KPNA5: variants seen among roughly 807,000 people sequenced by gnomAD.
The protein encoded by KPNA5 is importin subunit alpha-6.
KPNA5 carries 46 observed loss-of-function variants against 71.3 expected under a neutral mutation model. That is an observed-to-expected ratio of 0.65 (90% CI 0.51 to 0.83). The LOEUF is 0.83. Ranked by LOEUF, KPNA5 falls within the 40% of genes least tolerant of loss-of-function variation. The pLI, the probability that KPNA5 is intolerant of heterozygous loss-of-function variation, is 0.00. For missense variants in KPNA5, 547 were observed against 628.3 expected, an observed-to-expected ratio of 0.87 and a Z score of 1.38; for synonymous variants, 207 against 201.4, an observed-to-expected ratio of 1.03 and a Z score of -0.24.
At chr6:116,684,318 T>C (rs1249159504) in intron 1 of KPNA5, among the ~76,000 whole-genome samples, 1 of 152,184 alleles carries the variant, frequency 6.6e-6, no homozygotes, top group African/African-American at 2.4e-5. Flanking sequence ...ATGCATTTCT[T>C]TTCAATCATT....
chr6:116,696,946 GT>G (rs1422678069), intron 4 of KPNA5, among the ~76,000 whole-genome samples: 5 of 151,880 alleles, frequency 3.3e-5, no homozygotes, highest in Non-Finnish European at 5.9e-5. Context: ...ATGTGTGTGT[GT>G]GGGGGGGTAT....
At chr6:116,712,606 G>T (rs963956297) in intron 7 of KPNA5, among the ~76,000 whole-genome samples, 40 of 152,066 alleles carry the variant, frequency 2.6e-4, no homozygotes, top group African/African-American at 8.7e-4. Context: ...ACTGATAAAT[G>T]GGGACTTACT....
chr6:116,684,128 G>A (rs1416487455), intron 1 of KPNA5, among the ~76,000 whole-genome samples: 1 of 151,620 alleles, frequency 6.6e-6, no homozygotes, highest in Admixed American at 6.6e-5. Flanking sequence ...GGCCAGGCCG[G>A]TCTTGAACTC....
rs555996852 is a variant in KPNA5 at position 116,734,516 on chromosome 6, G to C, written c.*2193G>C. 2.6e-5 allele frequency: 4 copies of C among 151,672 alleles called. No individual in the cohort carries two copies. The East Asian group carries it at 5.8e-4, about 22-fold the overall frequency. 9.4% of individuals were successfully genotyped at this position (151,672 alleles called of 1,614,324 possible). A position where few individuals can be genotyped will look rare whatever the true frequency, so the allele number is the denominator to read the frequency against. ...TTATTTCCTTAAATATATTACTTGGGTAATTAATTTTAGATTTGATTGCAA... is the reference window on the plus strand; with the variant it reads ...TTATTTCCTTAAATATATTACTTGGCTAATTAATTTTAGATTTGATTGCAA... On this transcript the variant is annotated 3_prime_UTR_variant, in exon 14 of 14. Coordinates refer to ENST00000368564, the MANE Select transcript of KPNA5 (RefSeq NM_001366306.2).
rs111613327 is a variant in KPNA5 at position 116,698,652 on chromosome 6, A to G, written c.341-52A>G. 4.4e-4 allele frequency: 465 copies of G among 1,062,652 alleles called. 3 individuals are homozygous for G. The African/African-American group carries it at 5.9e-3, about 13-fold the overall frequency. The allele number at this position is 1,062,652 out of a possible 1,614,324, so 65.8% of individuals were successfully genotyped here. On this transcript the variant is annotated intron_variant, in intron 4 of 13. Coordinates refer to ENST00000368564, the MANE Select transcript of KPNA5 (RefSeq NM_001366306.2). ...CCCTGTTAATGGACACAGGGACTAG[A>G]TTGTTTTCTTTTTGTGTCTTTGTAA... is the stretch of plus-strand genomic sequence containing the variant.
intron 9 of KPNA5, among the ~76,000 whole-genome samples, chr6:116,722,807 G>A (rs546071070): frequency 1.3e-5 from 2 of 152,302 alleles, no homozygotes; most frequent in East Asian, 1.9e-4. Flanking sequence ...AGTTAAAAAC[G>A]TTGAAGAAAA....
Position 116,687,910 on chromosome 6 carries a change from A to G in KPNA5, c.5-1410A>G, listed in dbSNP as rs142313199. Among the ~76,000 whole-genome samples, 8 of 152,206 alleles carry G rather than the reference A, an allele frequency of 5.3e-5. No individual in the cohort carries two copies. In the East Asian group the frequency reaches 5.8e-4, roughly 11 times the overall value. ...CCTTTTCCTTAATTTGTTTAATTCT[A>G]TTCCTTAGGATCAAGTCCAAATTTC... On this transcript the variant is annotated intron_variant, in intron 1 of 13. Coordinates refer to ENST00000368564, the MANE Select transcript of KPNA5 (RefSeq NM_001366306.2).
intron 2 of KPNA5, among the ~76,000 whole-genome samples, chr6:116,690,591 C>T (rs73555501): frequency 0.19 from 27,696 of 147,956 alleles, 2,691 homozygotes; most frequent in East Asian, 0.3. Flanking sequence ...TGCAGTGAGC[C>T]GAGTTGATGC....
intron 13 of KPNA5, among the ~76,000 whole-genome samples, chr6:116,731,137 T>C (rs1005967616): frequency 5.9e-5 from 9 of 152,192 alleles, no homozygotes; most frequent in African/African-American, 2.2e-4. Flanking sequence ...ATGGAATTTA[T>C]TTTAGATAAG....
intron 5 of KPNA5, among the ~76,000 whole-genome samples, chr6:116,700,197 C>G (rs991381500): frequency 6.6e-6 from 1 of 152,010 alleles, no homozygotes; most frequent in Non-Finnish European, 1.5e-5. Flanking sequence ...ATTTGCTGGG[C>G]GTGGTGACTC....
rs147728792 is a variant in KPNA5 at position 116,709,298 on chromosome 6, G to A, written c.656+4138G>A. 7.1e-3 allele frequency among the ~76,000 whole-genome samples: 1,073 copies of A among 152,108 alleles called. 5 individuals carry two copies. The highest frequency in any genetic ancestry group is 0.025 in the African/African-American group (1,023 of 41,496). On this transcript the variant is annotated intron_variant, in intron 7 of 13. Coordinates refer to ENST00000368564, the MANE Select transcript of KPNA5 (RefSeq NM_001366306.2). ...GAGGTCAGGAGCCTCCTGGGTTCAAGCGGTTCTCATGCCTCAACTCTCCCA... is the reference window on the plus strand; with the variant it reads ...GAGGTCAGGAGCCTCCTGGGTTCAAACGGTTCTCATGCCTCAACTCTCCCA...
In KPNA5 at chr6:116,732,627, G is replaced by A. The variant is rs573324757; in HGVS notation, c.*304G>A. On this transcript the variant is annotated 3_prime_UTR_variant, in exon 14 of 14. Coordinates refer to ENST00000368564, the MANE Select transcript of KPNA5 (RefSeq NM_001366306.2). ...TAAGCTTGAAAAGGAGAATTTTGGT[G>A]AAGCATTACTTAGTAATTCTGAATT... is the stretch of plus-strand genomic sequence containing the variant. The A allele has an allele frequency of 3.8e-4, 60 of 159,984 alleles. 1 individual carries two copies. The highest frequency in any genetic ancestry group is 2.3e-3 in the Admixed American group (35 of 15,398). The allele number at this position is 159,984 out of a possible 1,614,324, so 9.9% of individuals were successfully genotyped here.
intron 4 of KPNA5, among the ~76,000 whole-genome samples, chr6:116,693,284 A>G (rs2114382169): frequency 6.6e-6 from 1 of 152,292 alleles, no homozygotes; most frequent in Non-Finnish European, 1.5e-5. Flanking sequence ...TGGTATTTCT[A>G]GTTCTAGATC....
Position 116,738,113 on chromosome 6 carries a change from TAAAGAA to T in KPNA5, c.*5791_*5796del, listed in dbSNP as rs1390688668. 1.3e-5 allele frequency: 2 copies of T among 151,312 alleles called. No homozygotes were observed. Among genetic ancestry groups the T allele is most frequent in the African/African-American group, 4.9e-5 (2 of 41,086 alleles). 9.4% of individuals were successfully genotyped at this position (151,312 alleles called of 1,614,324 possible). On this transcript the variant is annotated 3_prime_UTR_variant, in exon 14 of 14. Transcript: ENST00000368564. ...ATTGACAGACCGTTAGCAAGACTAATAAAGAAGAAAAGAGAGAAGAATCAAATAGAC... is the reference window on the plus strand; with the variant it reads ...ATTGACAGACCGTTAGCAAGACTAATGAAAAGAGAGAAGAATCAAATAGAC...
intron 4 of KPNA5, among the ~76,000 whole-genome samples, chr6:116,696,668 C>G (rs940926917): frequency 6.6e-6 from 1 of 151,958 alleles, no homozygotes; most frequent in African/African-American, 2.4e-5. Flanking sequence ...TTTCTTTTGC[C>G]TGACTCTTGC....
intron 12 of KPNA5, among the ~76,000 whole-genome samples, chr6:116,727,610 C>A (rs1421519319): frequency 1.3e-5 from 2 of 152,026 alleles, no homozygotes; most frequent in Non-Finnish European, 2.9e-5. Context: ...TGTCTTGGAA[C>A]CAATCTCCGA....
chr6:116,716,931 A>G (rs1778908864), intron 8 of KPNA5, among the ~76,000 whole-genome samples: 1 of 152,008 alleles, frequency 6.6e-6, no homozygotes, highest in Admixed American at 6.6e-5. Context: ...ATACATTTCT[A>G]ATTCACAAAG....
At chr6:116,683,895 CCTTT>C (rs1777464029) in intron 1 of KPNA5, among the ~76,000 whole-genome samples, 10 of 122,530 alleles carry the variant, frequency 8.2e-5, no homozygotes, top group African/African-American at 3.0e-4. Flanking sequence ...CCGTGCCCGG[CCTTT>C]TTTTTTTTTT....
intron 1 of KPNA5, among the ~76,000 whole-genome samples, chr6:116,682,313 C>T (rs1307359417): frequency 6.6e-6 from 1 of 151,964 alleles, no homozygotes; most frequent in African/African-American, 2.4e-5. Flanking sequence ...GGCGACAGAG[C>T]GAGACTCTGT....
Sources: allele counts gnomAD v4.1 joint callset (sites outside exome capture counted in the v4.1 genomes callset), GRCh38; gene constraint gnomAD v4.1.1; transcripts MANE v1.5; gene names NCBI Gene and HGNC (gene_info 2026-07-23, HGNC 2026-07-21).